LRRC63: variants seen among roughly 807,000 people sequenced by gnomAD.
LRRC63 encodes the protein leucine rich repeat containing 63, also known as leucine-rich repeat-containing protein 63.
A neutral mutation model predicts 49.5 loss-of-function variants in LRRC63; 40 were observed. That is an observed-to-expected ratio of 0.81 (90% confidence interval 0.63 to 1.05). The LOEUF (loss-of-function observed/expected upper bound fraction) is 1.05. Ranked by LOEUF, LRRC63 falls within the 50% of genes least tolerant of loss-of-function variation. The pLI is 0.00. For synonymous variants in LRRC63, 191 were observed against 221.1 expected (o/e 0.86, Z 1.21); for missense variants, 636 against 663.1 (o/e 0.96, Z 0.45).
chr13:46,226,131 A>G (rs912596957), intron 2 of LRRC63, among the ~76,000 whole-genome samples: 1 of 151,992 alleles, frequency 6.6e-6, no homozygotes, highest in Non-Finnish European at 1.5e-5. Flanking sequence ...GTACAGGAGC[A>G]TGATGCCACA....
At position 46,273,898 on chromosome 13, in the gene LRRC63, C is replaced by G. The variant is rs192590609; in HGVS notation, c.1551-2692C>G. Among the ~76,000 whole-genome samples the G allele has an allele frequency of 2.3e-3, 291 of 128,430 alleles. 2 individuals are homozygous for G. The highest frequency in any genetic ancestry group is 8.6e-3 in the African/African-American group (275 of 31,988). The allele number at this position is 128,430 out of a possible 152,430, so 84.3% of individuals were successfully genotyped here. On this transcript the variant is annotated intron_variant, in intron 9 of 9. Transcript: ENST00000595396. The stretch of plus-strand genomic sequence containing the variant: ...GTGGACTCCAGCCTGGGTGACAGAG[C>G]AAGACTCTGTCTCAAAAAAAAAAAA...
chr13:46,251,807 A>T (rs1327751604), intron 7 of LRRC63, among the ~76,000 whole-genome samples: 1 of 151,920 alleles, frequency 6.6e-6, no homozygotes, highest in Non-Finnish European at 1.5e-5. Context: ...TATAATCATA[A>T]TTATACATTT....
chr13:46,270,411 C>G (rs536756928), intron 9 of LRRC63: 2 of 811,012 alleles, frequency 2.5e-6, no homozygotes, highest in East Asian at 4.9e-5. Context: ...TATACTGTAT[C>G]TAGTTGTGTT....
intron 5 of LRRC63, among the ~76,000 whole-genome samples, chr13:46,236,118 G>A (rs970806744): frequency 6.6e-6 from 1 of 151,516 alleles, no homozygotes; most frequent in African/African-American, 2.4e-5. Flanking sequence ...GATCAAGTAT[G>A]AAGAACAGAA....
At chr13:46,273,856 G>C (rs2047794101) in intron 9 of LRRC63, among the ~76,000 whole-genome samples, 1 of 149,952 alleles carries the variant, frequency 6.7e-6, no homozygotes, top group Non-Finnish European at 1.5e-5. Context: ...AGGTTGCAGT[G>C]AGCTGAGATC....
chr13:46,272,677 C>T (rs1426957822), intron 9 of LRRC63, among the ~76,000 whole-genome samples: 1 of 152,194 alleles, frequency 6.6e-6, no homozygotes, highest in Non-Finnish European at 1.5e-5. Context: ...ATTATAACTG[C>T]AGCCTAAATC....
chr13:46,214,610 A>G (rs1156787973), intron 2 of LRRC63, among the ~76,000 whole-genome samples: 3 of 151,908 alleles, frequency 2.0e-5, no homozygotes, highest in Admixed American at 6.5e-5. Context: ...AGGGCTTTGC[A>G]CATAGTAGGT....
chr13:46,266,906 T>A, exon 9 of LRRC63: 2 of 1,548,634 alleles, frequency 1.3e-6, no homozygotes, highest in South Asian at 1.2e-5. Context: ...TCTTTGTTCA[T>A]TGTCCAAAAT....
chr13:46,252,096 AAACTT>A (rs1269443591), intron 7 of LRRC63, among the ~76,000 whole-genome samples: 4 of 152,086 alleles, frequency 2.6e-5, no homozygotes, highest in Non-Finnish European at 5.9e-5. Flanking sequence ...ATAATGGGGA[AAACTT>A]AACTTTATTG....
chr13:46,239,869 T>C (rs1431916725), intron 5 of LRRC63, among the ~76,000 whole-genome samples: 1 of 152,212 alleles, frequency 6.6e-6, no homozygotes, highest in Non-Finnish European at 1.5e-5. Context: ...ATAAATGTGA[T>C]TCATCACACA....
Position 46,246,578 on chromosome 13 carries a change from A to T in LRRC63, c.1042A>T (p.Ile348Leu), listed in dbSNP as rs1467011389. The T allele has an allele frequency of 4.8e-6, 7 of 1,473,216 alleles. No homozygotes were observed. The South Asian group carries it at 1.0e-4, about 21-fold the overall frequency. 91.3% of individuals were successfully genotyped at this position (1,473,216 alleles called of 1,614,324 possible). ...CTTAACACCTTTGGCTTTCCAGTTGATATATCTTAATTTATCATTTAATGA... is the reference window on the plus strand; with the variant it reads ...CTTAACACCTTTGGCTTTCCAGTTGTTATATCTTAATTTATCATTTAATGA... The change falls in exon 6 of 10, where the codon ATA (isoleucine) becomes TTA (leucine). Residue 348 changes from isoleucine to leucine, a missense_variant. Physicochemically the swap from Ile to Leu is conservative, Grantham distance 5. Transcript: ENST00000595396.
chr13:46,223,118 G>A lies in LRRC63; in HGVS notation c.86-4394G>A, dbSNP rs2046456406. 3.3e-5 allele frequency among the ~76,000 whole-genome samples: 5 copies of A among 149,974 alleles called. 1 individual carries two copies. Among genetic ancestry groups the A allele is most frequent in the African/African-American group, 1.2e-4 (5 of 40,682 alleles). On this transcript the variant is annotated intron_variant, in intron 2 of 9. Transcript: ENST00000595396. ...GGAGATATACCTAATGCTAAATGAC[G>A]AGTTAATGGGTGCAGCACACCAGCA...
chr13:46,274,848 T>A (rs1170977137), intron 9 of LRRC63, among the ~76,000 whole-genome samples: 1 of 152,256 alleles, frequency 6.6e-6, no homozygotes, highest in Non-Finnish European at 1.5e-5. Context: ...TTTCTTTGTG[T>A]TGTGAACATT....
At chr13:46,272,221 G>A (rs2047769939) in intron 9 of LRRC63, among the ~76,000 whole-genome samples, 1 of 152,102 alleles carries the variant, frequency 6.6e-6, no homozygotes, top group African/African-American at 2.4e-5. Flanking sequence ...ATTATTTTTG[G>A]ACCACAGTTG....
At chr13:46,270,699 C>A in intron 9 of LRRC63, 1 of 651,078 alleles carries the variant, frequency 1.5e-6, no homozygotes, top group Non-Finnish European at 2.8e-6. Flanking sequence ...AGGAGAAGAA[C>A]CAGTATCTGT....
At chr13:46,255,828 A>G (rs187558283) in intron 7 of LRRC63, among the ~76,000 whole-genome samples, 99 of 152,232 alleles carry the variant, frequency 6.5e-4, no homozygotes, top group Middle Eastern at 3.4e-3. Context: ...AAAACAAGAT[A>G]TGGGGTATTC....
chr13:46,228,031 G>C (rs1436633790), exon 3 of LRRC63: 2 of 1,551,108 alleles, frequency 1.3e-6, no homozygotes, highest in Admixed American at 3.9e-5. Context: ...ACAGTGCCAA[G>C]CCCTCCACCT....
intron 6 of LRRC63, 51 bp from the exon 7 acceptor site, chr13:46,250,304 T>G: frequency 7.3e-7 from 1 of 1,367,246 alleles, no homozygotes; most frequent in Non-Finnish European, 9.8e-7. Flanking sequence ...AAATAATGAT[T>G]TGCATACTTT....
At chr13:46,276,637 T>A in exon 10 of LRRC63, 1 of 1,231,400 alleles carries the variant, frequency 8.1e-7, no homozygotes, top group Non-Finnish European at 1.0e-6. Flanking sequence ...GGTGAAGGTT[T>A]TCGTGTCATC....
Sources: allele counts gnomAD v4.1 joint callset (sites outside exome capture counted in the v4.1 genomes callset), GRCh38; gene constraint gnomAD v4.1.1; transcripts MANE v1.5; gene names NCBI Gene and HGNC (gene_info 2026-07-23, HGNC 2026-07-21).